KIF21A: variants seen among roughly 807,000 people sequenced by gnomAD.
KIF21A encodes kinesin-like protein KIF21A.
Under a neutral mutation model 202.9 loss-of-function variants are expected in KIF21A, and 114 were observed. The ratio of observed to expected loss-of-function variants is 0.56; its 90% CI spans 0.48 to 0.66. KIF21A has a LOEUF of 0.66. KIF21A is among the 30% of genes least tolerant of loss of function. The pLI, the probability that KIF21A is intolerant of heterozygous loss-of-function variation, is 0.00. For missense variants in KIF21A, 1,677 were observed against 1,994.9 expected (o/e 0.84, Z 3.04); for synonymous variants, 667 against 670.8 (o/e 0.99, Z 0.09).
At chr12:39,401,651 C>A (rs1279142309) in intron 1 of KIF21A, among the ~76,000 whole-genome samples, 1 of 152,084 alleles carries the variant, frequency 6.6e-6, no homozygotes, top group East Asian at 1.9e-4. Context: ...TGGCTAAGTA[C>A]CAAAAACTGA....
chr12:39,378,316 C>A (rs1950391522), intron 1 of KIF21A, among the ~76,000 whole-genome samples: 1 of 152,152 alleles, frequency 6.6e-6, no homozygotes, highest in African/African-American at 2.4e-5. Context: ...AACATTGTGC[C>A]ACTCTGTTGA....
chr12:39,420,144 G>C (rs1274678187), intron 1 of KIF21A, among the ~76,000 whole-genome samples: 2 of 149,566 alleles, frequency 1.3e-5, no homozygotes, highest in Non-Finnish European at 3.0e-5. Context: ...TTTGCTGTTT[G>C]ACGAGTCACA....
At chr12:39,305,044 CT>C (rs957789955) in intron 34 of KIF21A, 106 bp from the exon 35 acceptor site, 620 of 644,856 alleles carry the variant, frequency 9.6e-4, no homozygotes, top group Middle Eastern at 1.3e-3. Context: ...AATTCACTAA[CT>C]TTTTTTTTTC....
chr12:39,411,842 C>G (rs960198353), intron 1 of KIF21A, among the ~76,000 whole-genome samples: 1 of 151,982 alleles, frequency 6.6e-6, no homozygotes, highest in Admixed American at 6.6e-5. Flanking sequence ...TGGCCTGCTG[C>G]TAATTTTTTT....
rs200380721 is a variant in KIF21A at position 39,350,041 on chromosome 12, C to G, written c.1673+1736G>C. Among the ~76,000 whole-genome samples, 29 of 151,996 alleles carry G rather than the reference C, an allele frequency of 1.9e-4. No individual in the cohort carries two copies. In the East Asian group the frequency reaches 5.6e-3, roughly 29 times the overall value. On this transcript the variant is annotated intron_variant, in intron 11 of 37. Coordinates refer to ENST00000361418, the MANE Select transcript of KIF21A (RefSeq NM_001173464.2). ...TTTTAGAAAGTATTAATTTGTTTTT[C>G]TCATTCTAAGCTATCTTTCATTTCT...
At chr12:39,388,326 C>T (rs1158863617) in intron 1 of KIF21A, among the ~76,000 whole-genome samples, 2 of 152,164 alleles carry the variant, frequency 1.3e-5, no homozygotes, top group East Asian at 1.9e-4. Context: ...TACCTTCCAT[C>T]GTAAGTGGAA....
intron 10 of KIF21A, among the ~76,000 whole-genome samples, chr12:39,352,256 C>G (rs1948447990): frequency 6.6e-6 from 1 of 152,042 alleles, no homozygotes. Flanking sequence ...AATCTGACTG[C>G]TCTAGCAATA....
chr12:39,349,462 C>T (rs190850943), intron 11 of KIF21A, among the ~76,000 whole-genome samples: 20 of 152,122 alleles, frequency 1.3e-4, no homozygotes, highest in Admixed American at 5.9e-4. Flanking sequence ...TGTAACTCAA[C>T]CAGAATCAAT....
intron 1 of KIF21A, among the ~76,000 whole-genome samples, chr12:39,417,198 GAC>G (rs1953834166): frequency 6.6e-6 from 1 of 152,052 alleles, no homozygotes; most frequent in East Asian, 1.9e-4. Context: ...TGTATCAGAA[GAC>G]ACAGTGTTAT....
chr12:39,337,173 G>C lies in KIF21A; in HGVS notation c.2341C>G (p.Gln781Glu), dbSNP rs754563722. Residue 781 changes from glutamine (Q) to glutamate (E), a missense_variant, in exon 17 of 38, where the codon CAA becomes GAA. Physicochemically the swap from Gln to Glu is conservative, Grantham distance 29. Coordinates refer to ENST00000361418, the MANE Select transcript of KIF21A (RefSeq NM_001173464.2). ...VRLMKQMKEE[Q>E]EKARLTESRR... ...GACTCAGTCAGTCTGGCTTTCTCTT[G>C]TTCTTCTTTCATTTGTTTCATTAGG... 1.9e-6 allele frequency: 3 copies of C among 1,612,196 alleles called. No homozygotes were observed. In the East Asian group the frequency reaches 6.7e-5, roughly 36 times the overall value.
chr12:39,366,516 T>C lies in KIF21A; in HGVS notation c.737A>G (p.Asp246Gly). 4 of 1,596,172 alleles carry C rather than the reference T, an allele frequency of 2.5e-6. 1 individual carries two copies. In the South Asian group the frequency reaches 3.3e-5, roughly 13 times the overall value. Residue 246 changes from aspartate to glycine, a missense_variant and splice_region_variant, in exon 6 of 38, where the codon GAC becomes GGC. Coordinates refer to ENST00000361418, the MANE Select transcript of KIF21A (RefSeq NM_001173464.2). Reference protein sequence around the residue: ...QTRVCPQIDADNATDNKIISE... With the variant: ...QTRVCPQIDAGNATDNKIISE... ...AATAATTTTATTATCAGTTGCATTG[T>C]CCTGAAATTAAGAAAAATAATTGAA...
Position 39,357,961 on chromosome 12 carries a change from G to T in KIF21A, c.1215+217C>A, listed in dbSNP as rs547467251. Among the ~76,000 whole-genome samples the T allele has an allele frequency of 4.7e-3, 475 of 100,410 alleles. 4 individuals carry two copies. The highest frequency in any genetic ancestry group is 7.8e-3 in the Non-Finnish European group (370 of 47,192). The allele number at this position is 100,410 out of a possible 152,430, so 65.9% of individuals were successfully genotyped here. On this transcript the variant is annotated intron_variant, in intron 8 of 37. Coordinates refer to ENST00000361418, the MANE Select transcript of KIF21A (RefSeq NM_001173464.2). ...AAAAAAAAAAAAAAAAAAAAATTGG[G>T]TAGGAAAGCTTTTGAACAAACAGTT...
intron 17 of KIF21A, among the ~76,000 whole-genome samples, chr12:39,335,204 G>A (rs1217440184): frequency 6.6e-6 from 1 of 151,968 alleles, no homozygotes. Flanking sequence ...TTGAGGTCAG[G>A]AGTTTGACAC....
intron 37 of KIF21A, 24 bp downstream of exon 37, chr12:39,301,456 G>T: frequency 6.3e-7 from 1 of 1,588,992 alleles, no homozygotes; most frequent in Non-Finnish European, 8.6e-7. Flanking sequence ...CCAATATAGA[G>T]AAAAATCATA....
intron 1 of KIF21A, among the ~76,000 whole-genome samples, chr12:39,397,615 A>G (rs1156664077): frequency 6.6e-6 from 1 of 152,240 alleles, no homozygotes; most frequent in Non-Finnish European, 1.5e-5. Context: ...AGTTCCTGGT[A>G]CATACTGTAG....
chr12:39,339,376 T>G (rs1947257631), intron 16 of KIF21A, among the ~76,000 whole-genome samples: 1 of 152,134 alleles, frequency 6.6e-6, no homozygotes, highest in African/African-American at 2.4e-5. Flanking sequence ...CATAGTAACA[T>G]GCTGTACAGG....
In KIF21A at chr12:39,436,330, A is replaced by C. The variant is rs77971537; in HGVS notation, c.44+6597T>G. On this transcript the variant is annotated intron_variant, in intron 1 of 37. Transcript: ENST00000361418. Reference sequence around the variant, plus strand: ...TTTCTGGGCCTCTAACACCTCAACTATCTCGAAGAAGGGGCCTCAACCAAT... The same window carrying C: ...TTTCTGGGCCTCTAACACCTCAACTCTCTCGAAGAAGGGGCCTCAACCAAT... Among the ~76,000 whole-genome samples, 383 of 150,052 alleles carry C rather than the reference A, an allele frequency of 2.6e-3. 8 individuals are homozygous for C. In the East Asian group the frequency reaches 0.062, roughly 24 times the overall value.
At chr12:39,307,533 G>A (rs1943592841) in intron 34 of KIF21A, 32 bp downstream of exon 34, 2 of 1,602,776 alleles carry the variant, frequency 1.2e-6, no homozygotes, top group Non-Finnish European at 1.7e-6. Flanking sequence ...ATTTGCCATA[G>A]GCAAGAGGTA....
rs1269171184 is a variant in KIF21A at position 39,319,924 on chromosome 12, T to C, written c.3761A>G (p.Lys1254Arg). The change falls in exon 28 of 38, where the codon AAG becomes AGG. Residue 1254 changes from lysine (K) to arginine (R), a missense_variant. Lys to Arg is a conservative substitution (Grantham distance 26). This residue lies in a region of KIF21A where 705 missense variants were observed against 791.9 expected (regional missense o/e 0.89). Transcript: ENST00000361418. ...CACTTACTGCTTTTGTTCCTTGGCC[T>C]TTGATTTTTCTGCTTTCTCATATGC... ...RKAYEKAEKSKAKEQKHSDSG... is the reference protein window; with the variant it reads ...RKAYEKAEKSRAKEQKHSDSG... 8 of 1,604,604 alleles carry C rather than the reference T, an allele frequency of 5.0e-6. No individual in the cohort carries two copies. Among genetic ancestry groups the C allele is most frequent in the Non-Finnish European group, 6.8e-6 (8 of 1,173,246 alleles).
Sources: gnomAD v4.1 joint callset for allele counts (sites outside exome capture counted in the v4.1 genomes callset) on GRCh38, gnomAD v4.1.1 for gene constraint, gnomAD v4.1.1 regional missense constraint, MANE v1.5 for transcripts, NCBI Gene and HGNC (gene_info 2026-07-23, HGNC 2026-07-21) for gene names.